MTHFD2L: variants seen among roughly 807,000 people sequenced by gnomAD.
The protein encoded by MTHFD2L is bifunctional methylenetetrahydrofolate dehydrogenase/cyclohydrolase 2, mitochondrial.
A neutral mutation model predicts 34.9 loss-of-function variants in MTHFD2L; 29 were observed. The ratio of observed to expected loss-of-function variants is 0.83; its 90% CI spans 0.62 to 1.13. The LOEUF (loss-of-function observed/expected upper bound fraction) is 1.13. Among genes scored for constraint, MTHFD2L ranks in the 50% most tolerant of loss-of-function variants. The pLI, the probability that MTHFD2L is intolerant of heterozygous loss-of-function variation, is 0.00. For missense variants in MTHFD2L, 481 were observed against 446.5 expected, an observed-to-expected ratio of 1.08 and a Z score of -0.70; for synonymous variants, 167 against 155.7, an observed-to-expected ratio of 1.07 and a Z score of -0.54.
chr4:74,170,756 A>G (rs934477280), intron 1 of MTHFD2L, among the ~76,000 whole-genome samples: 4 of 152,018 alleles, frequency 2.6e-5, no homozygotes, highest in African/African-American at 9.7e-5. Flanking sequence ...AGACTGGATT[A>G]AGAAAATGTA....
intron 1 of MTHFD2L, among the ~76,000 whole-genome samples, chr4:74,171,908 C>T (rs1293261018): frequency 2.7e-5 from 4 of 145,932 alleles, no homozygotes; most frequent in East Asian, 2.0e-4. Context: ...GGAAAGAACC[C>T]GAATATCCAT....
intron 6 of MTHFD2L, chr4:74,267,635 A>G (rs1432235954): frequency 1.4e-6 from 1 of 696,350 alleles, no homozygotes; most frequent in African/African-American, 1.9e-5. Flanking sequence ...AGGTTTCCCT[A>G]TGTTGCCCAG....
intron 1 of MTHFD2L, among the ~76,000 whole-genome samples, chr4:74,130,394 C>T (rs1722397872): frequency 6.6e-6 from 1 of 152,202 alleles, no homozygotes; most frequent in South Asian, 2.1e-4. Flanking sequence ...CCACCATGAT[C>T]ATGTCCGCTT....
rs1721648794 is a variant in MTHFD2L at position 74,115,922 on chromosome 4, A to G, written c.-144+1265A>G. On this transcript the variant is annotated intron_variant and NMD_transcript_variant, in intron 2 of 9. Transcript: ENST00000429519. ...TTCTATGAAACATTATTAAATTCCA[A>G]TTGAACATGATCATTCCAATCAAAT... Among the ~76,000 whole-genome samples the G allele has an allele frequency of 2.0e-5, 3 of 152,330 alleles. No individual in the cohort carries two copies. In the South Asian group the frequency reaches 6.2e-4, roughly 32 times the overall value.
At chr4:74,141,546 C>T (rs944772092) in intron 1 of MTHFD2L, among the ~76,000 whole-genome samples, 1 of 152,198 alleles carries the variant, frequency 6.6e-6, no homozygotes. Context: ...AGTCTTCTAA[C>T]CCTCCAAGGT....
At chr4:74,281,661 C>A in intron 7 of MTHFD2L, 111 bp downstream of exon 7, 1 of 1,064,264 alleles carries the variant, frequency 9.4e-7, no homozygotes, top group Non-Finnish European at 1.3e-6. Flanking sequence ...TATTAATCAT[C>A]ACCTCTTTCT....
intron 6 of MTHFD2L, among the ~76,000 whole-genome samples, chr4:74,277,702 C>A (rs1399277069): frequency 6.6e-6 from 1 of 152,116 alleles, no homozygotes; most frequent in East Asian, 1.9e-4. Flanking sequence ...CCTTTCTTCT[C>A]TCCAAAACCA....
intron 5 of MTHFD2L, among the ~76,000 whole-genome samples, chr4:74,213,717 GTGT>G (rs1423615290): frequency 6.6e-6 from 1 of 152,062 alleles, no homozygotes; most frequent in African/African-American, 2.4e-5. Flanking sequence ...TATCTTTGTG[GTGT>G]TCTCTGTGTT....
chr4:74,251,579 G>A (rs977750568), intron 6 of MTHFD2L, among the ~76,000 whole-genome samples: 2 of 152,070 alleles, frequency 1.3e-5, no homozygotes, highest in African/African-American at 4.8e-5. Context: ...TTCACCTGAT[G>A]TACTTATAGC....
At chr4:74,145,105 G>A (rs1723512166) in intron 1 of MTHFD2L, among the ~76,000 whole-genome samples, 1 of 151,460 alleles carries the variant, frequency 6.6e-6, no homozygotes. Context: ...CTTCAACATT[G>A]CAGTAGGTTC....
intron 6 of MTHFD2L, among the ~76,000 whole-genome samples, chr4:74,276,943 G>A (rs1489430640): frequency 6.6e-6 from 1 of 151,734 alleles, no homozygotes; most frequent in Non-Finnish European, 1.5e-5. Flanking sequence ...TTTTTAATTT[G>A]AAAGGACAAA....
chr4:74,199,882 C>T lies in MTHFD2L; in HGVS notation c.540C>T (p.Cys180=). 6.2e-7 allele frequency: 1 copy of T among 1,613,754 alleles called. No homozygotes were observed. Among genetic ancestry groups the T allele is most frequent in the Non-Finnish European group, 8.5e-7 (1 of 1,179,838 alleles). Residue 180 remains cysteine, a synonymous_variant, in exon 4 of 8, where the codon TGC becomes TGT. Transcript: ENST00000325278. ...GFHIINIGRL[C]LDQHSLIPAT... ...ATATTATCAATATTGGAAGATTGTGCCTTGATCAGCATTCTCTCATACCTG... is the reference window on the plus strand; with the variant it reads ...ATATTATCAATATTGGAAGATTGTGTCTTGATCAGCATTCTCTCATACCTG...
intron 6 of MTHFD2L, among the ~76,000 whole-genome samples, chr4:74,271,190 T>C (rs921162375): frequency 3.9e-5 from 6 of 152,244 alleles, no homozygotes; most frequent in African/African-American, 1.4e-4. Flanking sequence ...ATTCCATTTG[T>C]CAATTTGGCT....
intron 7 of MTHFD2L, among the ~76,000 whole-genome samples, chr4:74,282,379 A>G (rs1008823462): frequency 6.6e-6 from 1 of 152,180 alleles, no homozygotes; most frequent in Non-Finnish European, 1.5e-5. Context: ...ACAGTGCCAC[A>G]TCAAGAACTT....
chr4:74,225,929 A>G lies in MTHFD2L; in HGVS notation c.805+535A>G, dbSNP rs921136456. 5.3e-5 allele frequency among the ~76,000 whole-genome samples: 8 copies of G among 152,240 alleles called. No individual in the cohort carries two copies. The East Asian group carries it at 1.5e-3, about 29-fold the overall frequency. ...AGAATCTTTCCAAAAAAGATGACATATGAAATTTGGTCTGATGAACTGAGG... is the reference window on the plus strand; with the variant it reads ...AGAATCTTTCCAAAAAAGATGACATGTGAAATTTGGTCTGATGAACTGAGG... On this transcript the variant is annotated intron_variant, in intron 6 of 7. Coordinates refer to ENST00000325278, the MANE Select transcript of MTHFD2L (RefSeq NM_001144978.3).
In MTHFD2L at chr4:74,177,790, C is replaced by T. The variant is rs531783636; in HGVS notation, c.451+2387C>T. Among the ~76,000 whole-genome samples the T allele has an allele frequency of 2.6e-5, 4 of 152,008 alleles. 1 individual carries two copies. The South Asian group carries it at 6.2e-4, about 24-fold the overall frequency. On this transcript the variant is annotated intron_variant, in intron 3 of 7. Coordinates refer to ENST00000325278, the MANE Select transcript of MTHFD2L (RefSeq NM_001144978.3). ...TGATATCAGTATGTCAAAGAGATAT[C>T]TGCACTCCTAAAGTAATGCTGCACA...
At chr4:74,259,083 A>G (rs145338621) in intron 6 of MTHFD2L, among the ~76,000 whole-genome samples, 1 of 152,126 alleles carries the variant, frequency 6.6e-6, no homozygotes, top group South Asian at 2.1e-4. Flanking sequence ...TTTTCCACCT[A>G]TCCTCTACCA....
chr4:74,186,512 A>G (rs542094825), intron 3 of MTHFD2L, among the ~76,000 whole-genome samples: 3 of 150,812 alleles, frequency 2.0e-5, no homozygotes, highest in Non-Finnish European at 4.4e-5. Flanking sequence ...TACAAGCTTA[A>G]TATAGAGGAA....
chr4:74,297,869 G>A (rs779059214), intron 7 of MTHFD2L, among the ~76,000 whole-genome samples: 2 of 152,116 alleles, frequency 1.3e-5, no homozygotes, highest in African/African-American at 2.4e-5. Flanking sequence ...AATCATTAGA[G>A]TAGAGAATTT....
Sources: allele counts gnomAD v4.1 joint callset (sites outside exome capture counted in the v4.1 genomes callset), GRCh38; gene constraint gnomAD v4.1.1; transcripts MANE v1.5; gene names NCBI Gene and HGNC (gene_info 2026-07-23, HGNC 2026-07-21).